TENM4: variants seen among roughly 807,000 people sequenced by gnomAD.
TENM4 encodes teneurin transmembrane protein 4.
TENM4 carries 82 observed loss-of-function variants against 243.3 expected under a neutral mutation model. The ratio of observed to expected loss-of-function variants is 0.34; its 90% CI spans 0.28 to 0.40. The LOEUF (loss-of-function observed/expected upper bound fraction) is 0.40, where lower values mean the gene tolerates loss of function less well. TENM4 is among the 10% of genes least tolerant of loss of function. The pLI is 1.00. For missense variants in TENM4, 3,138 were observed against 3,673.3 expected (o/e 0.85, Z 3.77); for synonymous variants, 1,412 against 1,456.3 (o/e 0.97, Z 0.69).
chr11:79,395,929 T>G (rs1858334780), intron 1 of TENM4, among the ~76,000 whole-genome samples: 1 of 152,210 alleles, frequency 6.6e-6, no homozygotes, highest in South Asian at 2.1e-4. Flanking sequence ...CTCCTTGGCC[T>G]CAGTTTACTC....
rs114780595 is a variant in TENM4, at chr11:79,326,002, G to A, written c.-320-28459C>T. 3.0e-3 allele frequency among the ~76,000 whole-genome samples: 461 copies of A among 152,272 alleles called. 4 individuals carry two copies. Among genetic ancestry groups the A allele is most frequent in the African/African-American group, 0.011 (441 of 41,546 alleles). On this transcript the variant is annotated intron_variant, in intron 1 of 33. Coordinates refer to ENST00000278550, the MANE Select transcript of TENM4 (RefSeq NM_001098816.3). Reference sequence around the variant, plus strand: ...TGAGCCTGCTCGCATCTCTGCGTGCGTCTCCTGTTCCCGCTTTGGGTTGCA... The same window carrying A: ...TGAGCCTGCTCGCATCTCTGCGTGCATCTCCTGTTCCCGCTTTGGGTTGCA...
Position 78,654,985 on chromosome 11 carries a change from G to C in TENM4, c.*3073C>G, listed in dbSNP as rs186519114. On this transcript the variant is annotated 3_prime_UTR_variant, in exon 34 of 34. Coordinates refer to ENST00000278550, the MANE Select transcript of TENM4 (RefSeq NM_001098816.3). ...ACACCTGGGCAGGTGAGGGAGGCCT[G>C]GTCACTCTATCGAATGAACAGATTT... 6.6e-6 allele frequency: 1 copy of C among 152,480 alleles called. No homozygotes were observed. The highest frequency in any genetic ancestry group is 1.5e-5 in the Non-Finnish European group (1 of 68,182). The allele number at this position is 152,480 out of a possible 1,614,324, so 9.4% of individuals were successfully genotyped here. A position where few individuals can be genotyped will look rare whatever the true frequency, so the allele number is the denominator to read the frequency against.
chr11:79,225,876 A>G (rs1250621102), intron 2 of TENM4, among the ~76,000 whole-genome samples: 1 of 152,176 alleles, frequency 6.6e-6, no homozygotes, highest in Non-Finnish European at 1.5e-5. Flanking sequence ...TTTAATAATG[A>G]TCACGATCAT....
chr11:79,116,682 A>G (rs1044801362), intron 4 of TENM4, among the ~76,000 whole-genome samples: 6 of 152,214 alleles, frequency 3.9e-5, no homozygotes, highest in African/African-American at 1.4e-4. Flanking sequence ...CTGAAAATGA[A>G]TCATCAACCC....
At chr11:78,974,221 C>A (rs1423819269) in intron 6 of TENM4, among the ~76,000 whole-genome samples, 1 of 152,184 alleles carries the variant, frequency 6.6e-6, no homozygotes, top group Non-Finnish European at 1.5e-5. Context: ...GTACTCACTA[C>A]ATATTACAAC....
intron 6 of TENM4, among the ~76,000 whole-genome samples, chr11:78,970,384 G>C (rs1857516154): frequency 6.6e-6 from 1 of 152,170 alleles, no homozygotes; most frequent in Non-Finnish European, 1.5e-5. Context: ...TGAAAATCTA[G>C]AGTGACTATT....
intron 9 of TENM4, among the ~76,000 whole-genome samples, chr11:78,885,973 GGATTACCAACCA>G (rs1292024537): frequency 6.6e-6 from 1 of 152,130 alleles, no homozygotes; most frequent in Non-Finnish European, 1.5e-5. Context: ...GAATCTGTCA[GGATTACCAACCA>G]GACGTGACAG....
At chr11:78,918,047 T>C (rs1224252458) in intron 6 of TENM4, among the ~76,000 whole-genome samples, 2 of 152,216 alleles carry the variant, frequency 1.3e-5, no homozygotes, top group Non-Finnish European at 1.5e-5. Context: ...AATGTGTTCA[T>C]GCTCCATGGC....
chr11:79,074,231 C>T (rs1347255699), intron 4 of TENM4, among the ~76,000 whole-genome samples: 1 of 152,116 alleles, frequency 6.6e-6, no homozygotes, highest in Admixed American at 6.6e-5. Flanking sequence ...TTATGGTTCA[C>T]ACTCAAATTG....
chr11:79,337,991 C>G (rs1424480004), intron 1 of TENM4, among the ~76,000 whole-genome samples: 1 of 152,208 alleles, frequency 6.6e-6, no homozygotes, highest in African/African-American at 2.4e-5. Context: ...TATGACTATC[C>G]ACCAAGTCTC....
chr11:78,676,877 G>A (rs555844978), intron 29 of TENM4, among the ~76,000 whole-genome samples: 1 of 152,234 alleles, frequency 6.6e-6, no homozygotes, highest in East Asian at 1.9e-4. Context: ...AAGTGAAAAA[G>A]AAGTCACATG....
At chr11:78,935,683 A>G (rs1856768297) in intron 6 of TENM4, among the ~76,000 whole-genome samples, 4 of 152,222 alleles carry the variant, frequency 2.6e-5, no homozygotes, top group Admixed American at 2.6e-4. Flanking sequence ...AGTCATTGCT[A>G]TGTTCTAGTG....
intron 28 of TENM4, among the ~76,000 whole-genome samples, chr11:78,695,390 G>A (rs1234074566): frequency 6.6e-6 from 1 of 152,060 alleles, no homozygotes; most frequent in Non-Finnish European, 1.5e-5. Flanking sequence ...GTGAGACAGA[G>A]TTTCACTCTT....
At chr11:79,282,744 C>G (rs558651605) in intron 2 of TENM4, among the ~76,000 whole-genome samples, 6 of 151,896 alleles carry the variant, frequency 4.0e-5, no homozygotes, top group African/African-American at 1.5e-4. Flanking sequence ...AATCTCTTAT[C>G]TGTTATGAAG....
intron 7 of TENM4, among the ~76,000 whole-genome samples, chr11:78,895,209 G>A (rs1230078747): frequency 6.6e-6 from 1 of 151,720 alleles, no homozygotes; most frequent in Non-Finnish European, 1.5e-5. Context: ...GGTGGCGGGT[G>A]CCTGTAACCC....
At position 78,744,378 on chromosome 11, in the gene TENM4, C is replaced by T. The variant is rs181257587; in HGVS notation, c.2757-5808G>A. ...GGGAAACCCCTGATTATGAAACATT[C>T]GAGTCAGAAGAACCCTTCCTGATCA... On this transcript the variant is annotated intron_variant, in intron 19 of 33. Transcript: ENST00000278550. Among the ~76,000 whole-genome samples, 36 of 152,302 alleles carry T rather than the reference C, an allele frequency of 2.4e-4. No homozygotes were observed. The East Asian group carries it at 5.6e-3, about 24-fold the overall frequency.
At chr11:79,186,762 G>A (rs933417407) in intron 3 of TENM4, among the ~76,000 whole-genome samples, 3 of 152,184 alleles carry the variant, frequency 2.0e-5, no homozygotes, top group Admixed American at 6.5e-5. Flanking sequence ...AATAAATACC[G>A]TGTGTTATTG....
intron 6 of TENM4, among the ~76,000 whole-genome samples, chr11:79,020,633 A>G (rs7116605): frequency 6.6e-6 from 1 of 151,574 alleles, no homozygotes; most frequent in Non-Finnish European, 1.5e-5. Flanking sequence ...TAAAAAAAAC[A>G]TGAAAAAATT....
chr11:78,871,379 G>C (rs1859124686), intron 9 of TENM4, among the ~76,000 whole-genome samples: 1 of 152,006 alleles, frequency 6.6e-6, no homozygotes, highest in South Asian at 2.1e-4. Context: ...TGTGTATCAA[G>C]GTTTTCACTG....
Sources: allele counts gnomAD v4.1 joint callset (sites outside exome capture counted in the v4.1 genomes callset), GRCh38; gene constraint gnomAD v4.1.1; transcripts MANE v1.5; gene names NCBI Gene and HGNC (gene_info 2026-07-23, HGNC 2026-07-21).